CDH13: variants seen among roughly 807,000 people sequenced by gnomAD.
CDH13 encodes cadherin-13.
CDH13 carries 24 observed loss-of-function variants against 63.8 expected under a neutral mutation model. The observed-to-expected ratio is 0.38, with a 90% CI of 0.27 to 0.53. The LOEUF (loss-of-function observed/expected upper bound fraction) is 0.53, where lower values mean the gene tolerates loss of function less well. CDH13 is among the 20% of genes least tolerant of loss of function. The pLI is 0.85. For synonymous variants in CDH13, 503 were observed against 355.3 expected (o/e 1.42, Z -4.67); for missense variants, 1,049 against 903.1 (o/e 1.16, Z -2.07).
intron 6 of CDH13, among the ~76,000 whole-genome samples, chr16:83,431,287 C>A (rs117707434): frequency 0.044 from 6,683 of 151,848 alleles, 201 homozygotes; most frequent in Non-Finnish European, 0.059. Context: ...TACGTACACA[C>A]CAGTTCTTAT....
At chr16:82,893,225 C>A (rs774715196) in intron 2 of CDH13, among the ~76,000 whole-genome samples, 7 of 152,174 alleles carry the variant, frequency 4.6e-5, no homozygotes, top group Non-Finnish European at 1.0e-4. Flanking sequence ...GTTTTTAATA[C>A]CTTATAAAAT....
At chr16:82,663,343 G>C (rs11150485) in intron 1 of CDH13, among the ~76,000 whole-genome samples, 151,274 of 152,258 alleles carry the variant, frequency 0.99, 75,154 homozygotes, top group Middle Eastern at 1. Context: ...TGCAGCACCA[G>C]GCCCGGCTAA....
At chr16:83,611,644 G>T (rs1035369757) in intron 8 of CDH13, among the ~76,000 whole-genome samples, 1 of 151,206 alleles carries the variant, frequency 6.6e-6, no homozygotes, top group Non-Finnish European at 1.5e-5. Flanking sequence ...TTTTTCTAAT[G>T]TATGGATTTA....
chr16:83,468,592 A>G (rs116536883), intron 6 of CDH13, among the ~76,000 whole-genome samples: 3,846 of 152,228 alleles, frequency 0.025, 163 homozygotes, highest in African/African-American at 0.087. Flanking sequence ...ACAGAAACCC[A>G]GCCACACTTG....
intron 1 of CDH13, among the ~76,000 whole-genome samples, chr16:82,835,563 A>G (rs1048615146): frequency 6.6e-5 from 10 of 152,184 alleles, no homozygotes; most frequent in South Asian, 2.1e-4. Context: ...CCCTTGCTCA[A>G]TCATTTCCAA....
intron 5 of CDH13, among the ~76,000 whole-genome samples, chr16:83,263,775 C>G (rs895399816): frequency 2.6e-5 from 4 of 152,170 alleles, no homozygotes; most frequent in Admixed American, 2.6e-4. Flanking sequence ...GCCATGGCCT[C>G]AATCCCAGCC....
chr16:82,870,413 C>T (rs1478926023), intron 2 of CDH13, among the ~76,000 whole-genome samples: 4 of 151,884 alleles, frequency 2.6e-5, no homozygotes, highest in Non-Finnish European at 4.4e-5. Flanking sequence ...ATGGATGGTC[C>T]CCAAAAAACT....
intron 2 of CDH13, among the ~76,000 whole-genome samples, chr16:82,992,553 C>T (rs1911774274): frequency 6.6e-6 from 1 of 152,114 alleles, no homozygotes; most frequent in Non-Finnish European, 1.5e-5. Flanking sequence ...TAGAATTCTG[C>T]AGTGTTCTGG....
chr16:83,049,803 C>G (rs1403092301), intron 3 of CDH13, among the ~76,000 whole-genome samples: 3 of 152,094 alleles, frequency 2.0e-5, no homozygotes, highest in Non-Finnish European at 2.9e-5. Flanking sequence ...ACACTGCTAC[C>G]AACCTGTGTG....
chr16:82,930,039 C>CTTTTTTT, intron 2 of CDH13, among the ~76,000 whole-genome samples: 1 of 94,762 alleles, frequency 1.1e-5, no homozygotes, highest in Non-Finnish European at 2.1e-5. Context: ...TAGTTTGTCT[C>CTTTTTTT]TTTTTTTTTT....
chr16:83,137,611 A>G (rs892885604), intron 4 of CDH13, among the ~76,000 whole-genome samples: 3 of 152,208 alleles, frequency 2.0e-5, no homozygotes, highest in Admixed American at 6.5e-5. Flanking sequence ...AAAGAGAGCC[A>G]CAAGGAATGA....
intron 4 of CDH13, among the ~76,000 whole-genome samples, chr16:83,203,179 G>A (rs530237635): frequency 1.6e-4 from 25 of 151,750 alleles, no homozygotes; most frequent in Middle Eastern, 3.4e-3. Flanking sequence ...AGCTGAGGTC[G>A]CACCATTGCA....
At chr16:82,645,220 A>C (rs1341848869) in intron 1 of CDH13, among the ~76,000 whole-genome samples, 3 of 152,188 alleles carry the variant, frequency 2.0e-5, no homozygotes, top group Non-Finnish European at 2.9e-5. Flanking sequence ...TAGGACTGCA[A>C]ATCCTGTCCT....
At chr16:82,835,424 G>T (rs2038725722) in intron 1 of CDH13, among the ~76,000 whole-genome samples, 1 of 152,182 alleles carries the variant, frequency 6.6e-6, no homozygotes, top group African/African-American at 2.4e-5. Flanking sequence ...AATTTTAGCT[G>T]GAGGGACCAT....
chr16:82,850,948 C>T (rs1177971597), intron 1 of CDH13, among the ~76,000 whole-genome samples: 78 of 152,132 alleles, frequency 5.1e-4, no homozygotes, highest in Non-Finnish European at 1.3e-4. Flanking sequence ...CTTTTATATG[C>T]ACTGGGAAGC....
intron 6 of CDH13, among the ~76,000 whole-genome samples, chr16:83,388,393 C>G (rs1267847571): frequency 6.6e-6 from 1 of 151,940 alleles, no homozygotes; most frequent in Admixed American, 6.6e-5. Context: ...GTCGAGGCTA[C>G]TTTGAGTCGT....
At chr16:83,337,621 ATTTTTTTTTTTTTTTTTTT>A (rs66957563) in intron 5 of CDH13, among the ~76,000 whole-genome samples, 6 of 52,248 alleles carry the variant, frequency 1.1e-4, no homozygotes, top group Non-Finnish European at 1.6e-4. Context: ...TGACAAGCGT[ATTTTTTTTTTTTTTTTTTT>A]TTTTTTTTTT....
intron 4 of CDH13, among the ~76,000 whole-genome samples, chr16:83,189,310 C>T (rs2038623435): frequency 6.6e-6 from 1 of 152,192 alleles, no homozygotes; most frequent in Non-Finnish European, 1.5e-5. Flanking sequence ...ATCAGGATTA[C>T]TTTGCCCCCA....
At chr16:82,667,033 G>A (rs1290194545) in intron 1 of CDH13, among the ~76,000 whole-genome samples, 1 of 152,154 alleles carries the variant, frequency 6.6e-6, no homozygotes, top group Non-Finnish European at 1.5e-5. Context: ...GGAGCCTTCT[G>A]ATGTTTCTCT....
Sources: gnomAD v4.1 joint callset for allele counts (sites outside exome capture counted in the v4.1 genomes callset) on GRCh38, gnomAD v4.1.1 for gene constraint, MANE v1.5 for transcripts, NCBI Gene and HGNC (gene_info 2026-07-23, HGNC 2026-07-21) for gene names.